The following CCSER2 variants were observed in gnomAD, a reference collection of about 807,000 sequenced individuals.
CCSER2 encodes serine-rich coiled-coil domain-containing protein 2.
In CCSER2, 46 loss-of-function variants were observed where a neutral mutation model predicts 92.3. The ratio of observed to expected loss-of-function variants is 0.50; its 90% confidence interval spans 0.39 to 0.64. The LOEUF (loss-of-function observed/expected upper bound fraction) is 0.64, where lower values mean the gene tolerates loss of function less well. CCSER2 is among the 30% of genes least tolerant of loss of function. CCSER2 has a pLI of 0.00. For synonymous variants in CCSER2, 433 were observed against 431.4 expected (o/e 1.00, Z -0.04); for missense variants, 1,244 against 1,238.9 (o/e 1.00, Z -0.06).
At chr10:84,413,999 G>C (rs558926328) in intron 3 of CCSER2, among the ~76,000 whole-genome samples, 4 of 152,172 alleles carry the variant, frequency 2.6e-5, no homozygotes, top group African/African-American at 9.6e-5. Flanking sequence ...CCATTTGCTT[G>C]GTAAATATTC....
At chr10:84,392,316 C>CAAAAAAAAAAAAAAAAAAAAAAAAAAAAA (rs71473611) in intron 3 of CCSER2, among the ~76,000 whole-genome samples, 1 of 53,858 alleles carries the variant, frequency 1.9e-5, no homozygotes, top group Non-Finnish European at 3.1e-5. Context: ...TCTGAAGAAG[C>CAAAAAAAAAAAAAAAAAAAAAAAAAAAAA]AAAAAAAAAA....
intron 6 of CCSER2, among the ~76,000 whole-genome samples, chr10:84,439,553 G>A (rs562676459): frequency 6.6e-6 from 1 of 152,284 alleles, no homozygotes; most frequent in South Asian, 2.1e-4. Flanking sequence ...CACACGAAAG[G>A]CTAGTTGAAG....
chr10:84,476,329 C>G (rs747882022), intron 8 of CCSER2, among the ~76,000 whole-genome samples: 35 of 150,354 alleles, frequency 2.3e-4, no homozygotes, highest in African/African-American at 8.0e-4. Flanking sequence ...ATGGAATAAT[C>G]AAGAATTTTT....
chr10:84,383,572 A>T (rs886192186), intron 3 of CCSER2, among the ~76,000 whole-genome samples: 24 of 152,016 alleles, frequency 1.6e-4, no homozygotes, highest in African/African-American at 5.6e-4. Flanking sequence ...AGCCTCCCAA[A>T]GTGCTGGGAT....
chr10:84,501,834 A>AATATATAT (rs1554868293), intron 9 of CCSER2, among the ~76,000 whole-genome samples: 11 of 40,148 alleles, frequency 2.7e-4, no homozygotes, highest in East Asian at 8.0e-4. Flanking sequence ...AAAAAAAAAA[A>AATATATAT]ATATATATAT....
In CCSER2 at chr10:84,516,710, T is replaced by C. The variant is rs1480794556; in HGVS notation, c.*2443T>C. 1.3e-5 allele frequency: 2 copies of C among 152,178 alleles called. No individual in the cohort carries two copies. The highest frequency in any genetic ancestry group is 4.8e-5 in the African/African-American group (2 of 41,438). 9.4% of individuals were successfully genotyped at this position (152,178 alleles called of 1,614,324 possible). ...ACTCCAGTAATTTATTTTTCTCTAT[T>C]TTTTCCTCCATGTATTTACTCCATT... On this transcript the variant is annotated 3_prime_UTR_variant, in exon 10 of 10. Coordinates refer to ENST00000372088, the MANE Select transcript of CCSER2 (RefSeq NM_001284240.2).
chr10:84,457,834 C>G (rs540828356), intron 6 of CCSER2, among the ~76,000 whole-genome samples: 2 of 150,378 alleles, frequency 1.3e-5, no homozygotes, highest in Admixed American at 1.3e-4. Flanking sequence ...TTCCACTTCC[C>G]TGGTTCAAGT....
At chr10:84,453,207 T>TA (rs1360782824) in intron 6 of CCSER2, among the ~76,000 whole-genome samples, 1 of 152,180 alleles carries the variant, frequency 6.6e-6, no homozygotes, top group African/African-American at 2.4e-5. Context: ...GGCTTTCACT[T>TA]AATTTATTTC....
intron 1 of CCSER2, among the ~76,000 whole-genome samples, chr10:84,352,180 T>C (rs1028091826): frequency 6.6e-6 from 1 of 152,084 alleles, no homozygotes; most frequent in African/African-American, 2.4e-5. Context: ...GGCACACGCC[T>C]ATAGTCCCAG....
In CCSER2 at chr10:84,514,407, A is replaced by G. The variant is rs1466243988; in HGVS notation, c.*140A>G. ...CTTAAATTAAAATGTGGAAGCTTCTACTAGTTTGGCTCCTTCATTTTATAT... is the reference window on the plus strand; with the variant it reads ...CTTAAATTAAAATGTGGAAGCTTCTGCTAGTTTGGCTCCTTCATTTTATAT... On this transcript the variant is annotated 3_prime_UTR_variant, in exon 10 of 10. Coordinates refer to ENST00000372088, the MANE Select transcript of CCSER2 (RefSeq NM_001284240.2). The G allele has an allele frequency of 1.5e-6, 1 of 649,720 alleles. No individual in the cohort carries two copies. The highest frequency in any genetic ancestry group is 2.6e-6 in the Non-Finnish European group (1 of 387,360). The allele number at this position is 649,720 out of a possible 1,614,324, so 40.2% of individuals were successfully genotyped here. A position where few individuals can be genotyped will look rare whatever the true frequency, so the allele number is the denominator to read the frequency against.
In CCSER2 at chr10:84,425,081, AT is replaced by A. The variant is rs1230822042; in HGVS notation, c.1706-648del. 3.1e-6 allele frequency: 3 copies of A among 965,800 alleles called. No homozygotes were observed. In the African/African-American group the frequency reaches 5.3e-5, roughly 17 times the overall value. The allele number at this position is 965,800 out of a possible 1,614,324, so 59.8% of individuals were successfully genotyped here. ...AAGAAGCTTGGGGTGTTTCAAAGAG[AT>A]TCTTTTCGTGTTTTTGTGGTATTTG... On this transcript the variant is annotated intron_variant, in intron 4 of 9. Coordinates refer to ENST00000372088, the MANE Select transcript of CCSER2 (RefSeq NM_001284240.2).
chr10:84,377,667 A>G (rs184974139), intron 3 of CCSER2, among the ~76,000 whole-genome samples: 37 of 152,282 alleles, frequency 2.4e-4, no homozygotes, highest in African/African-American at 8.9e-4. Flanking sequence ...GTTTCCAGGA[A>G]GGACCTGCAG....
At position 84,487,874 on chromosome 10, in the gene CCSER2, G is replaced by A. The variant is rs183311344; in HGVS notation, c.2325+10210G>A. On this transcript the variant is annotated intron_variant, in intron 9 of 9. Coordinates refer to ENST00000372088, the MANE Select transcript of CCSER2 (RefSeq NM_001284240.2). Reference sequence around the variant, plus strand: ...CCATTGAGTATGATATTGGCTGTGGGTTTTTCATAAATAGTTCTGATTATT... The same window carrying A: ...CCATTGAGTATGATATTGGCTGTGGATTTTTCATAAATAGTTCTGATTATT... 6.1e-3 allele frequency among the ~76,000 whole-genome samples: 932 copies of A among 152,226 alleles called. 11 individuals carry two copies. Among genetic ancestry groups the A allele is most frequent in the African/African-American group, 0.022 (900 of 41,518 alleles).
intron 5 of CCSER2, among the ~76,000 whole-genome samples, chr10:84,436,630 G>A (rs1318998260): frequency 1.7e-5 from 2 of 114,622 alleles, no homozygotes; most frequent in East Asian, 5.5e-4. Context: ...GCGAGACTCC[G>A]TCTCAAAAAA....
chr10:84,390,472 T>C (rs142289230), intron 3 of CCSER2, among the ~76,000 whole-genome samples: 1 of 152,324 alleles, frequency 6.6e-6, no homozygotes, highest in East Asian at 1.9e-4. Flanking sequence ...TACTGAATAC[T>C]GTAGGCAATT....
chr10:84,340,720 C>A (rs556544062), intron 1 of CCSER2, among the ~76,000 whole-genome samples: 1 of 152,014 alleles, frequency 6.6e-6, no homozygotes, highest in Non-Finnish European at 1.5e-5. Flanking sequence ...CTTGATCCCC[C>A]TCTTGGCTTC....
intron 5 of CCSER2, among the ~76,000 whole-genome samples, chr10:84,430,433 T>C (rs1393168660): frequency 1.3e-5 from 2 of 152,216 alleles, no homozygotes; most frequent in Admixed American, 1.3e-4. Flanking sequence ...CCAATTGATA[T>C]TGCCATTTCA....
intron 3 of CCSER2, among the ~76,000 whole-genome samples, chr10:84,414,154 TTAG>T (rs2133375829): frequency 6.6e-6 from 1 of 152,306 alleles, no homozygotes; most frequent in Admixed American, 6.5e-5. Context: ...ACATTTAAGG[TTAG>T]TATTATTGTA....
chr10:84,457,241 A>G (rs1845690574), intron 6 of CCSER2, among the ~76,000 whole-genome samples: 2 of 65,828 alleles, frequency 3.0e-5, no homozygotes, highest in South Asian at 5.0e-4. Flanking sequence ...AATATATTAT[A>G]TATTATATAT....
Sources: allele counts gnomAD v4.1 joint callset (sites outside exome capture counted in the v4.1 genomes callset), GRCh38; gene constraint gnomAD v4.1.1; transcripts MANE v1.5; gene names NCBI Gene and HGNC (gene_info 2026-07-23, HGNC 2026-07-21).